The following SDK1 variants were observed in gnomAD, a reference collection of about 807,000 sequenced individuals.
SDK1 encodes sidekick cell adhesion molecule 1.
Under a neutral mutation model 245.5 loss-of-function variants are expected in SDK1, and 157 were observed. The ratio of observed to expected loss-of-function variants is 0.64; its 90% CI spans 0.56 to 0.73. The LOEUF (loss-of-function observed/expected upper bound fraction) is 0.73, where lower values mean the gene tolerates loss of function less well. SDK1 is among the 30% of genes least tolerant of loss of function. SDK1 has a pLI of 0.00. For missense variants in SDK1, 3,583 were observed against 3,002.3 expected (o/e 1.19, Z -4.52); for synonymous variants, 1,647 against 1,278.5 (o/e 1.29, Z -6.15).
At chr7:3,777,051 GTGA>G (rs1320817848) in intron 4 of SDK1, among the ~76,000 whole-genome samples, 1 of 152,110 alleles carries the variant, frequency 6.6e-6, no homozygotes, top group African/African-American at 2.4e-5. Flanking sequence ...ACTGGTAATT[GTGA>G]TGATATTTTT....
chr7:3,778,235 G>GT (rs1332289357), intron 4 of SDK1, among the ~76,000 whole-genome samples: 14 of 150,910 alleles, frequency 9.3e-5, no homozygotes, highest in Middle Eastern at 3.4e-3. Context: ...GAAGCTGGAG[G>GT]TTTTTTTTTC....
intron 32 of SDK1, among the ~76,000 whole-genome samples, chr7:4,167,623 C>A (rs1781576215): frequency 6.6e-6 from 1 of 152,190 alleles, no homozygotes; most frequent in Non-Finnish European, 1.5e-5. Flanking sequence ...TCCCACTCCA[C>A]CCCAGGGCTC....
intron 1 of SDK1, among the ~76,000 whole-genome samples, chr7:3,485,754 A>T (rs1370693453): frequency 5.0e-5 from 5 of 99,776 alleles, no homozygotes; most frequent in African/African-American, 1.8e-4. Flanking sequence ...AACTTTATTT[A>T]AAAATGTTCC....
At chr7:4,186,514 G>A (rs560661682) in intron 35 of SDK1, among the ~76,000 whole-genome samples, 9 of 152,250 alleles carry the variant, frequency 5.9e-5, no homozygotes, top group African/African-American at 1.7e-4. Flanking sequence ...TGGTTCCCTC[G>A]ACCCTTAGCT....
intron 4 of SDK1, among the ~76,000 whole-genome samples, chr7:3,679,681 G>T (rs898548194): frequency 1.3e-5 from 2 of 152,186 alleles, no homozygotes; most frequent in African/African-American, 4.8e-5. Flanking sequence ...TTAGGAAAGC[G>T]CACTTTCAAA....
At chr7:3,727,377 T>C (rs1041706316) in intron 4 of SDK1, among the ~76,000 whole-genome samples, 1 of 152,208 alleles carries the variant, frequency 6.6e-6, no homozygotes, top group East Asian at 1.9e-4. Flanking sequence ...AAGTCTGATG[T>C]TGGATTTATC....
At chr7:3,530,731 G>A (rs930066446) in intron 1 of SDK1, among the ~76,000 whole-genome samples, 1 of 152,140 alleles carries the variant, frequency 6.6e-6, no homozygotes, top group Non-Finnish European at 1.5e-5. Context: ...TGTAGGCCAA[G>A]GTAGCTAAAT....
chr7:3,838,591 G>A (rs770876974), intron 5 of SDK1, among the ~76,000 whole-genome samples: 13 of 152,158 alleles, frequency 8.5e-5, no homozygotes, highest in Admixed American at 1.3e-4. Flanking sequence ...AAACAGAACT[G>A]TCTATGACCA....
intron 1 of SDK1, among the ~76,000 whole-genome samples, chr7:3,480,419 C>A (rs868215747): frequency 8.4e-6 from 1 of 119,196 alleles, no homozygotes; most frequent in Non-Finnish European, 1.9e-5. Context: ...CCTGCACATA[C>A]GCTCATGTAG....
intron 35 of SDK1, among the ~76,000 whole-genome samples, chr7:4,196,145 T>C (rs1420934157): frequency 2.0e-5 from 3 of 152,126 alleles, no homozygotes; most frequent in Non-Finnish European, 4.4e-5. Flanking sequence ...TCTAGCTCAT[T>C]ATGGGGGATG....
intron 14 of SDK1, among the ~76,000 whole-genome samples, chr7:4,007,136 G>A (rs1386758297): frequency 6.6e-6 from 1 of 152,252 alleles, no homozygotes; most frequent in African/African-American, 2.4e-5. Context: ...TCCAGTATCA[G>A]TCAAGCTTCC....
At chr7:3,574,070 C>T (rs1435787484) in intron 1 of SDK1, among the ~76,000 whole-genome samples, 4 of 151,538 alleles carry the variant, frequency 2.6e-5, no homozygotes, top group African/African-American at 7.3e-5. Context: ...ATAGACTTTG[C>T]CTCTGCAGCT....
chr7:3,764,247 T>C (rs1780186717), intron 4 of SDK1, among the ~76,000 whole-genome samples: 1 of 152,198 alleles, frequency 6.6e-6, no homozygotes, highest in South Asian at 2.1e-4. Context: ...TTAAGGGAGA[T>C]TGATGAGCTG....
At chr7:3,424,237 G>C (rs548452449) in intron 1 of SDK1, among the ~76,000 whole-genome samples, 1 of 152,108 alleles carries the variant, frequency 6.6e-6, no homozygotes, top group African/African-American at 2.4e-5. Flanking sequence ...TAGGAATGTT[G>C]TATTATAGTT....
At chr7:3,781,633 T>C (rs1368382051) in intron 4 of SDK1, among the ~76,000 whole-genome samples, 3 of 152,042 alleles carry the variant, frequency 2.0e-5, no homozygotes, top group Non-Finnish European at 4.4e-5. Flanking sequence ...CATAAAGAAG[T>C]TCAGTGAACT....
At chr7:3,911,724 G>A (rs552621063) in intron 5 of SDK1, among the ~76,000 whole-genome samples, 1 of 152,288 alleles carries the variant, frequency 6.6e-6, no homozygotes, top group South Asian at 2.1e-4. Context: ...TTTGTCTCTA[G>A]TTCTGTATTA....
intron 1 of SDK1, among the ~76,000 whole-genome samples, chr7:3,545,880 A>G (rs1234051994): frequency 6.6e-6 from 1 of 152,228 alleles, no homozygotes; most frequent in Non-Finnish European, 1.5e-5. Flanking sequence ...TCTGTTCTGT[A>G]TATTCTAGTT....
At chr7:3,662,696 A>G (rs7793581) in intron 4 of SDK1, among the ~76,000 whole-genome samples, 4,521 of 152,318 alleles carry the variant, frequency 0.03, 215 homozygotes, top group African/African-American at 0.095. Context: ...TCACAGATGT[A>G]CAGTGTTTAT....
At chr7:3,779,900 C>T (rs1257229983) in intron 4 of SDK1, among the ~76,000 whole-genome samples, 2 of 149,622 alleles carry the variant, frequency 1.3e-5, no homozygotes, top group East Asian at 2.0e-4. Context: ...CCACTGCAGT[C>T]CGCAGTCCGG....
Sources: gnomAD v4.1 joint callset for allele counts (sites outside exome capture counted in the v4.1 genomes callset) on GRCh38, gnomAD v4.1.1 for gene constraint, MANE v1.5 for transcripts, NCBI Gene and HGNC (gene_info 2026-07-23, HGNC 2026-07-21) for gene names.